The following RGS16 variants were observed in gnomAD, a reference collection of about 807,000 sequenced individuals.
The protein encoded by RGS16 is regulator of G protein signaling 16.
A neutral mutation model predicts 18.1 loss-of-function variants in RGS16; 12 were observed. The ratio of observed to expected loss-of-function variants is 0.66; its 90% CI spans 0.42 to 1.07. The LOEUF is 1.07. RGS16 is among the 50% of genes least tolerant of loss of function. RGS16 has a pLI of 0.00. For synonymous variants in RGS16, 88 were observed against 102.0 expected (o/e 0.86, Z 0.83); for missense variants, 238 against 249.2 (o/e 0.95, Z 0.30).
Position 182,599,861 on chromosome 1 carries a change from A to C in RGS16, c.*431T>G. ...CTGGGAATTAGGAAAACAGGATGCA[A>C]TCAGAGTCAACTGAGCAACAGGCAA... On this transcript the variant is annotated 3_prime_UTR_variant, in exon 5 of 5. Coordinates refer to ENST00000367558, the MANE Select transcript of RGS16 (RefSeq NM_002928.4). The C allele has an allele frequency of 5.3e-6, 1 of 190,158 alleles. No individual in the cohort carries two copies. 11.8% of individuals were successfully genotyped at this position (190,158 alleles called of 1,614,324 possible).
In RGS16 at chr1:182,600,423, G is replaced by C. The variant is rs142579278; in HGVS notation, c.478C>G (p.Arg160Gly). ...TAGGAGTCCTTCTCCATCAGGGTAC[G>C]TGTCTTCCCCTGAGCCGCATCAAAG... is the stretch of plus-strand genomic sequence containing the variant. ...TCFDAAQGKT[R>G]TLMEKDSYPR... is the part of the protein sequence containing the mutation. The change falls in exon 5 of 5, where the codon CGT becomes GGT. Residue 160 changes from arginine to glycine, a missense_variant. Transcript: ENST00000367558. The C allele has an allele frequency of 6.2e-7, 1 of 1,614,072 alleles. No individual in the cohort carries two copies. Among genetic ancestry groups the C allele is most frequent in the Non-Finnish European group, 8.5e-7 (1 of 1,180,004 alleles).
In RGS16 at chr1:182,602,095, C is replaced by A; in HGVS notation, c.258G>T (p.Glu86Asp). 6.2e-7 allele frequency: 1 copy of A among 1,614,184 alleles called. No homozygotes were observed. Among genetic ancestry groups the A allele is most frequent in the Admixed American group, 1.7e-5 (1 of 60,016 alleles). ...AGAACTCCAGGTTCTCCTCACTGAACTCTGTCTTCAGGAAAGCGTGGAAGG... is the reference window on the plus strand; with the variant it reads ...AGAACTCCAGGTTCTCCTCACTGAAATCTGTCTTCAGGAAAGCGTGGAAGG... ...VAAFHAFLKT[E>D]FSEENLEFWL... Residue 86 changes from glutamate to aspartate, a missense_variant, in exon 4 of 5, where the codon GAG becomes GAT. Transcript: ENST00000367558.
intron 2 of RGS16, among the ~76,000 whole-genome samples, chr1:182,603,018 C>T (rs556318419): frequency 1.3e-4 from 20 of 152,300 alleles, no homozygotes; most frequent in Admixed American, 5.2e-4. Flanking sequence ...TGCCCTCATC[C>T]GTGGATGGAC....
Position 182,600,208 on chromosome 1 carries a change from C to T in RGS16, c.*84G>A. ...GTCCTCTTGCACTTGCTTTGCAGAACCTGCCTCCCACACAGGGGCAGCCAC... is the reference window on the plus strand; with the variant it reads ...GTCCTCTTGCACTTGCTTTGCAGAATCTGCCTCCCACACAGGGGCAGCCAC... On this transcript the variant is annotated 3_prime_UTR_variant, in exon 5 of 5. Transcript: ENST00000367558. 2 of 727,576 alleles carry T rather than the reference C, an allele frequency of 2.7e-6. No individual in the cohort carries two copies. The highest frequency in any genetic ancestry group is 2.2e-6 in the Non-Finnish European group (1 of 446,162). 45.1% of individuals were successfully genotyped at this position (727,576 alleles called of 1,614,324 possible).
chr1:182,598,701 T>C lies in RGS16; in HGVS notation c.*1591A>G, dbSNP rs1385737155. 15 of 152,620 alleles carry C rather than the reference T, an allele frequency of 9.8e-5. No individual in the cohort carries two copies. The highest frequency in any genetic ancestry group is 9.2e-4 in the Admixed American group (14 of 15,280). 9.5% of individuals were successfully genotyped at this position (152,620 alleles called of 1,614,324 possible). A position where few individuals can be genotyped will look rare whatever the true frequency, so the allele number is the denominator to read the frequency against. ...AAATGGGGATTGCAAACATCATTCA[T>C]ATCTAGGAAACCAGCTCCATTTGTC... On this transcript the variant is annotated 3_prime_UTR_variant, in exon 5 of 5. Transcript: ENST00000367558.
In RGS16 at chr1:182,600,156, ATTTT is replaced by A; in HGVS notation, c.*132_*135del. The A allele has an allele frequency of 3.2e-3, 1,047 of 327,246 alleles. No individual in the cohort carries two copies. The highest frequency in any genetic ancestry group is 6.0e-3 in the Middle Eastern group (6 of 1,004). The allele number at this position is 327,246 out of a possible 1,614,324, so 20.3% of individuals were successfully genotyped here. ...CTTCCCAAACAGGCTGCTGGAGCGC[ATTTT>A]TTTTTTTTTTTTTTTTTTTTTTGTC... On this transcript the variant is annotated 3_prime_UTR_variant, in exon 5 of 5. Transcript: ENST00000367558.
At chr1:182,602,257 T>C (rs1661878343) in intron 3 of RGS16, 125 bp from the exon 4 acceptor site, 2 of 1,170,208 alleles carry the variant, frequency 1.7e-6, no homozygotes, top group Admixed American at 2.0e-5. Flanking sequence ...AACAATGACC[T>C]GCCTTTATAT....
intron 4 of RGS16, 155 bp downstream of exon 4, chr1:182,601,811 T>C: frequency 2.3e-6 from 2 of 874,256 alleles, no homozygotes; most frequent in Non-Finnish European, 3.6e-6. Flanking sequence ...GGGCCTGGCT[T>C]TCCTAGTCTC....
At position 182,598,822 on chromosome 1, in the gene RGS16, A is replaced by G. The variant is rs1269822522; in HGVS notation, c.*1470T>C. The G allele has an allele frequency of 2.0e-5, 3 of 152,670 alleles. No homozygotes were observed. Among genetic ancestry groups the G allele is most frequent in the African/African-American group, 7.2e-5 (3 of 41,460 alleles). 9.5% of individuals were successfully genotyped at this position (152,670 alleles called of 1,614,324 possible). A position where few individuals can be genotyped will look rare whatever the true frequency, so the allele number is the denominator to read the frequency against. On this transcript the variant is annotated 3_prime_UTR_variant, in exon 5 of 5. Transcript: ENST00000367558. Reference sequence around the variant, plus strand: ...TAGAGTCTGGTAGAGAAAGGGAGACAGTCAGGCTGAAACCCCTGCTGAGAT... The same window carrying G: ...TAGAGTCTGGTAGAGAAAGGGAGACGGTCAGGCTGAAACCCCTGCTGAGAT...
At chr1:182,600,623 G>C in intron 4 of RGS16, 110 bp from the exon 5 acceptor site, 1 of 836,022 alleles carries the variant, frequency 1.2e-6, no homozygotes, top group African/African-American at 1.7e-5. Flanking sequence ...GCTGCATCAG[G>C]AAGTGGGGGC....
intron 2 of RGS16, among the ~76,000 whole-genome samples, chr1:182,602,784 T>C (rs1255400325): frequency 6.6e-6 from 1 of 152,208 alleles, no homozygotes; most frequent in Non-Finnish European, 1.5e-5. Context: ...CTCTCAAAGA[T>C]TTGTTTTGTA....
chr1:182,600,192 C>G lies in RGS16; in HGVS notation c.*100G>C. 1 of 421,562 alleles carries G rather than the reference C, an allele frequency of 2.4e-6. No homozygotes were observed. Among genetic ancestry groups the G allele is most frequent in the Non-Finnish European group, 4.1e-6 (1 of 242,420 alleles). 26.1% of individuals were successfully genotyped at this position (421,562 alleles called of 1,614,324 possible). A position where few individuals can be genotyped will look rare whatever the true frequency, so the allele number is the denominator to read the frequency against. On this transcript the variant is annotated 3_prime_UTR_variant, in exon 5 of 5. Transcript: ENST00000367558. ...TTTTTTTTTTTTTTTTGTCCTCTTG[C>G]ACTTGCTTTGCAGAACCTGCCTCCC...
Position 182,600,180 on chromosome 1 carries a change from TTTGTC to T in RGS16, c.*107_*111del. ...CATTTTTTTTTTTTTTTTTTTTTTT[TTTGTC>T]CTCTTGCACTTGCTTTGCAGAACCT... On this transcript the variant is annotated 3_prime_UTR_variant, in exon 5 of 5. Transcript: ENST00000367558. The T allele has an allele frequency of 3.5e-5, 18 of 509,444 alleles. No individual in the cohort carries two copies. The highest frequency in any genetic ancestry group is 5.8e-5 in the South Asian group (2 of 34,706). 31.6% of individuals were successfully genotyped at this position (509,444 alleles called of 1,614,324 possible).
In RGS16 at chr1:182,600,439, C is replaced by T. The variant is rs760962604; in HGVS notation, c.462G>A (p.Ala154=). 1.5e-5 allele frequency: 25 copies of T among 1,613,912 alleles called. No homozygotes were observed. In the East Asian group the frequency reaches 2.0e-4, roughly 13 times the overall value. ...LQTATATCFD[A]AQGKTRTLME... Reference sequence around the variant, plus strand: ...TCAGGGTACGTGTCTTCCCCTGAGCCGCATCAAAGCATGTGGCTGTGGCAG... The same window carrying T: ...TCAGGGTACGTGTCTTCCCCTGAGCTGCATCAAAGCATGTGGCTGTGGCAG... The change falls in exon 5 of 5, where the codon GCG becomes GCA. Residue 154 remains alanine, a synonymous_variant. Coordinates refer to ENST00000367558, the MANE Select transcript of RGS16 (RefSeq NM_002928.4).
At position 182,600,121 on chromosome 1, in the gene RGS16, G is replaced by A. The variant is rs1445001187; in HGVS notation, c.*171C>T. On this transcript the variant is annotated 3_prime_UTR_variant, in exon 5 of 5. Coordinates refer to ENST00000367558, the MANE Select transcript of RGS16 (RefSeq NM_002928.4). ...CATGAGTCCCACAGTATCTGAAGGA[G>A]AGACTGCTGCTTCCCAAACAGGCTG... is the stretch of plus-strand genomic sequence containing the variant. 5 of 615,568 alleles carry A rather than the reference G, an allele frequency of 8.1e-6. No homozygotes were observed. Among genetic ancestry groups the A allele is most frequent in the Non-Finnish European group, 1.1e-5 (4 of 355,708 alleles). The allele number at this position is 615,568 out of a possible 1,614,324, so 38.1% of individuals were successfully genotyped here.
chr1:182,600,183 G>A lies in RGS16; in HGVS notation c.*109C>T. The A allele has an allele frequency of 1.1e-5, 1 of 87,754 alleles. No individual in the cohort carries two copies. Among genetic ancestry groups the A allele is most frequent in the East Asian group, 1.7e-4 (1 of 5,770 alleles). 5.4% of individuals were successfully genotyped at this position (87,754 alleles called of 1,614,324 possible). ...TTTTTTTTTTTTTTTTTTTTTTTTTGTCCTCTTGCACTTGCTTTGCAGAAC... is the reference window on the plus strand; with the variant it reads ...TTTTTTTTTTTTTTTTTTTTTTTTTATCCTCTTGCACTTGCTTTGCAGAAC... On this transcript the variant is annotated 3_prime_UTR_variant, in exon 5 of 5. Transcript: ENST00000367558.
Position 182,600,226 on chromosome 1 carries a change from G to A in RGS16, c.*66C>T, listed in dbSNP as rs957853232. The A allele has an allele frequency of 1.5e-6, 2 of 1,316,858 alleles. No homozygotes were observed. The highest frequency in any genetic ancestry group is 3.0e-5 in the African/African-American group (2 of 67,598). 81.6% of individuals were successfully genotyped at this position (1,316,858 alleles called of 1,614,324 possible). ...TGCAGAACCTGCCTCCCACACAGGG[G>A]CAGCCACCTCGGGGATGGGTGACTC... On this transcript the variant is annotated 3_prime_UTR_variant, in exon 5 of 5. Transcript: ENST00000367558.
intron 4 of RGS16, 48 bp downstream of exon 4, chr1:182,601,918 G>A (rs757536812): frequency 9.3e-6 from 15 of 1,608,394 alleles, no homozygotes; most frequent in Non-Finnish European, 1.3e-5. Flanking sequence ...CAGAGGGGAA[G>A]GAGCAGGCAG....
rs934709706 is a variant in RGS16, at chr1:182,599,998, C to T, written c.*294G>A. 2.1e-5 allele frequency: 10 copies of T among 470,270 alleles called. No homozygotes were observed. The Admixed American group carries it at 2.1e-4, about 10-fold the overall frequency. The allele number at this position is 470,270 out of a possible 1,614,324, so 29.1% of individuals were successfully genotyped here. A position where few individuals can be genotyped will look rare whatever the true frequency, so the allele number is the denominator to read the frequency against. ...TCTCCGGTGAGAACGAGAGCCAGTG[C>T]TAACCCCCATACCACCTTTTTGCCC... is the stretch of plus-strand genomic sequence containing the variant. On this transcript the variant is annotated 3_prime_UTR_variant, in exon 5 of 5. Coordinates refer to ENST00000367558, the MANE Select transcript of RGS16 (RefSeq NM_002928.4).
Sources: gnomAD v4.1 joint callset for allele counts (sites outside exome capture counted in the v4.1 genomes callset) on GRCh38, gnomAD v4.1.1 for gene constraint, MANE v1.5 for transcripts, NCBI Gene and HGNC (gene_info 2026-07-23, HGNC 2026-07-21) for gene names.